The following C7orf57 variants were observed in gnomAD, a reference collection of about 807,000 sequenced individuals.
C7orf57 encodes chromosome 7 open reading frame 57, also known as uncharacterized protein C7orf57.
C7orf57 carries 33 observed loss-of-function variants against 39.0 expected under a neutral mutation model. The observed-to-expected ratio is 0.85, with a 90% CI of 0.64 to 1.13. The LOEUF (loss-of-function observed/expected upper bound fraction) is 1.13, where lower values mean the gene tolerates loss of function less well. Ranked by LOEUF, C7orf57 falls within the 50% of genes most tolerant of loss-of-function variation. C7orf57 has a pLI of 0.00. For synonymous variants in C7orf57, 124 were observed against 137.1 expected, an observed-to-expected ratio of 0.90 and a Z score of 0.67; for missense variants, 346 against 362.3, an observed-to-expected ratio of 0.95 and a Z score of 0.37.
rs935909950 is a variant in C7orf57 at position 48,060,756 on chromosome 7, A to G, written c.*484A>G. 1 of 152,254 alleles carries G rather than the reference A, an allele frequency of 6.6e-6. No homozygotes were observed. The highest frequency in any genetic ancestry group is 1.9e-4 in the East Asian group (1 of 5,202). The allele number at this position is 152,254 out of a possible 1,614,324, so 9.4% of individuals were successfully genotyped here. On this transcript the variant is annotated 3_prime_UTR_variant, in exon 9 of 9. Transcript: ENST00000348904. ...TATGTTAAGAAACATATTTTAATTT[A>G]TTATGCCATGAATTTATAAACATTT...
intron 2 of C7orf57, among the ~76,000 whole-genome samples, chr7:48,041,061 A>G (rs1013425276): frequency 2.6e-5 from 4 of 152,170 alleles, no homozygotes; most frequent in Admixed American, 2.6e-4. Flanking sequence ...CTGGGAAGCG[A>G]AAGCACCCAT....
At chr7:48,051,837 T>TCTCTTC (rs1298932920) in intron 6 of C7orf57, among the ~76,000 whole-genome samples, 110 of 89,518 alleles carry the variant, frequency 1.2e-3, no homozygotes, top group Middle Eastern at 7.4e-3. Flanking sequence ...CTTTCTTTCT[T>TCTCTTC]TCTTTCTTTC....
chr7:48,038,949 C>T (rs948299752), intron 2 of C7orf57, among the ~76,000 whole-genome samples: 1 of 152,054 alleles, frequency 6.6e-6, no homozygotes, highest in Admixed American at 6.5e-5. Context: ...TCCAAAGACA[C>T]GGAATCGATA....
At position 48,036,327 on chromosome 7, in the gene C7orf57, G is replaced by C; in HGVS notation, c.19G>C (p.Glu7Gln). 1 of 1,590,872 alleles carries C rather than the reference G, an allele frequency of 6.3e-7. No homozygotes were observed. The highest frequency in any genetic ancestry group is 8.6e-7 in the Non-Finnish European group (1 of 1,168,986). Reference protein sequence around the residue: MRNTSKELQGATHRYAP... With the variant: MRNTSKQLQGATHRYAP... ...CCTGACCATGAGGAACACAAGCAAGGAACTTCAGGGCGCCACGCACCGCTA... is the reference window on the plus strand; with the variant it reads ...CCTGACCATGAGGAACACAAGCAAGCAACTTCAGGGCGCCACGCACCGCTA... The change falls in exon 2 of 9, where the codon GAA becomes CAA. Residue 7 changes from glutamate to glutamine, a missense_variant. By Grantham distance (29) the Glu-to-Gln change is conservative. Transcript: ENST00000348904.
rs1791013261 is a variant in C7orf57 at position 48,053,206 on chromosome 7, A to G, written c.829+283A>G. The G allele has an allele frequency of 1.6e-5, 8 of 499,036 alleles. No individual in the cohort carries two copies. The East Asian group carries it at 3.6e-4, about 23-fold the overall frequency. The allele number at this position is 499,036 out of a possible 1,614,324, so 30.9% of individuals were successfully genotyped here. Reference sequence around the variant, plus strand: ...ATAGTCCATTTGATATAACAAACAAATAATATACCAAATAGTATCAACTTT... The same window carrying G: ...ATAGTCCATTTGATATAACAAACAAGTAATATACCAAATAGTATCAACTTT... On this transcript the variant is annotated intron_variant, in intron 7 of 8. Coordinates refer to ENST00000348904, the MANE Select transcript of C7orf57 (RefSeq NM_001100159.3).
chr7:48,051,861 TTCTTTCTTTC>T (rs1364293622), intron 6 of C7orf57, among the ~76,000 whole-genome samples: 7 of 80,026 alleles, frequency 8.7e-5, no homozygotes, highest in African/African-American at 1.3e-4. Context: ...CTTTCTTTCT[TTCTTTCTTTC>T]TCTTTCTCTT....
rs985878930 is a variant in C7orf57 at position 48,053,199 on chromosome 7, C to T, written c.829+276C>T. On this transcript the variant is annotated intron_variant, in intron 7 of 8. Coordinates refer to ENST00000348904, the MANE Select transcript of C7orf57 (RefSeq NM_001100159.3). ...AATTTTGATAGTCCATTTGATATAA[C>T]AAACAAATAATATACCAAATAGTAT... is the stretch of plus-strand genomic sequence containing the variant. 2.3e-5 allele frequency: 12 copies of T among 528,052 alleles called. No individual in the cohort carries two copies. In the East Asian group the frequency reaches 4.6e-4, roughly 20 times the overall value. The allele number at this position is 528,052 out of a possible 1,614,324, so 32.7% of individuals were successfully genotyped here.
At chr7:48,056,649 A>G (rs1353886006) in intron 8 of C7orf57, among the ~76,000 whole-genome samples, 1 of 152,142 alleles carries the variant, frequency 6.6e-6, no homozygotes, top group Non-Finnish European at 1.5e-5. Flanking sequence ...GGGATGCTCA[A>G]CCAGTAAGTA....
intron 2 of C7orf57, among the ~76,000 whole-genome samples, chr7:48,036,709 G>A (rs1010364140): frequency 2.0e-5 from 3 of 152,156 alleles, no homozygotes; most frequent in Admixed American, 6.5e-5. Context: ...GTTCCTGAAT[G>A]TTGACCTGGG....
At chr7:48,048,323 A>G (rs369601106) in intron 5 of C7orf57, among the ~76,000 whole-genome samples, 8 of 152,306 alleles carry the variant, frequency 5.3e-5, no homozygotes, top group African/African-American at 1.9e-4. Flanking sequence ...GGCGTGGGCC[A>G]GCTGACAAAG....
chr7:48,051,718 C>CT (rs1790887865), intron 6 of C7orf57, among the ~76,000 whole-genome samples: 2 of 55,042 alleles, frequency 3.6e-5, no homozygotes, highest in Admixed American at 3.9e-4. Flanking sequence ...TCTCTCCTTT[C>CT]TTTCTTTCTC....
chr7:48,040,016 A>T (rs191479317), intron 2 of C7orf57, among the ~76,000 whole-genome samples: 1 of 150,506 alleles, frequency 6.6e-6, no homozygotes, highest in Non-Finnish European at 1.5e-5. Context: ...GTTACCTAGA[A>T]CCTCAGTTGT....
rs767743688 is a variant in C7orf57 at position 48,052,928 on chromosome 7, G to A, written c.829+5G>A. The A allele has an allele frequency of 4.1e-5, 66 of 1,606,772 alleles. No individual in the cohort carries two copies. The highest frequency in any genetic ancestry group is 1.8e-4 in the South Asian group (16 of 90,810). On this transcript the variant is annotated splice_donor_5th_base_variant and intron_variant, in intron 7 of 8. Transcript: ENST00000348904. ...AAGGTCCTGAGGACACCCCAGGTGA[G>A]GCACAAGCAGCCATCTGCATTTATT...
At position 48,051,899 on chromosome 7, in the gene C7orf57, CCTTCCTTTT is replaced by C. The variant is rs1314013103; in HGVS notation, c.606-797_606-789del. ...TTTCTCTTTCTTTCTTTCCTTCCTT[CCTTCCTTTT>C]CTTTTCTCTTCTCTTTCTTTCTTTC... On this transcript the variant is annotated intron_variant, in intron 6 of 8. Transcript: ENST00000348904. 2.8e-3 allele frequency among the ~76,000 whole-genome samples: 320 copies of C among 113,858 alleles called. 7 individuals carry two copies. The highest frequency in any genetic ancestry group is 9.7e-3 in the African/African-American group (300 of 30,782). The allele number at this position is 113,858 out of a possible 152,430, so 74.7% of individuals were successfully genotyped here. A position where few individuals can be genotyped will look rare whatever the true frequency, so the allele number is the denominator to read the frequency against.
intron 2 of C7orf57, among the ~76,000 whole-genome samples, chr7:48,038,424 G>A (rs1345927348): frequency 8.3e-6 from 1 of 120,476 alleles, no homozygotes; most frequent in Non-Finnish European, 1.9e-5. Context: ...AGATAGAAAG[G>A]GAGAGAGAGA....
intron 8 of C7orf57, among the ~76,000 whole-genome samples, chr7:48,057,812 G>GT (rs1554300318): frequency 1.2e-4 from 18 of 151,952 alleles, no homozygotes; most frequent in African/African-American, 2.7e-4. Context: ...TTTGTTGAGA[G>GT]TTTTTTTTAT....
chr7:48,037,766 T>TGTGTGTGTGTGTGC (rs1790422963), intron 2 of C7orf57, among the ~76,000 whole-genome samples: 1 of 151,876 alleles, frequency 6.6e-6, no homozygotes, highest in Admixed American at 6.6e-5. Context: ...TGTGTGTGTG[T>TGTGTGTGTGTGTGC]GTGCGCGCGC....
Position 48,052,705 on chromosome 7 carries a change from G to A in C7orf57, c.611G>A (p.Gly204Asp), listed in dbSNP as rs761896098. 2 of 1,613,504 alleles carry A rather than the reference G, an allele frequency of 1.2e-6. No homozygotes were observed. Among genetic ancestry groups the A allele is most frequent in the Non-Finnish European group, 1.7e-6 (2 of 1,179,584 alleles). Reference protein sequence around the residue: ...GSRLSFPPVPGQKNSSPTNFS... With the variant: ...GSRLSFPPVPDQKNSSPTNFS... ...TTACTTTTACTCTTTTTAAGGCCTG[G>A]TCAAAAAAACAGTTCACCTACCAAT... is the stretch of plus-strand genomic sequence containing the variant. The change falls in exon 7 of 9, where the codon GGT (glycine) becomes GAT (aspartate). Residue 204 changes from glycine (G) to aspartate (D), a missense_variant. Gly to Asp is a moderately conservative substitution (Grantham distance 94). Transcript: ENST00000348904.
chr7:48,047,772 A>G (rs1790758372), intron 5 of C7orf57, among the ~76,000 whole-genome samples: 1 of 152,004 alleles, frequency 6.6e-6, no homozygotes, highest in Non-Finnish European at 1.5e-5. Flanking sequence ...GCATTATCAT[A>G]GTTCACTACA....
Sources: gnomAD v4.1 joint callset for allele counts (sites outside exome capture counted in the v4.1 genomes callset) on GRCh38, gnomAD v4.1.1 for gene constraint, MANE v1.5 for transcripts, NCBI Gene and HGNC (gene_info 2026-07-23, HGNC 2026-07-21) for gene names.